The following TMTC2 variants were observed in gnomAD, a reference collection of about 807,000 sequenced individuals.
TMTC2 encodes the protein protein O-mannosyl-transferase TMTC2.
In TMTC2, 43 loss-of-function variants were observed where a neutral mutation model predicts 82.4. That is an observed-to-expected ratio of 0.52 (90% confidence interval 0.41 to 0.67). TMTC2 has a LOEUF of 0.67. TMTC2 is among the 30% of genes least tolerant of loss of function. The probability of loss-of-function intolerance (pLI) is 0.00; values close to 1 mark genes in which losing one functional copy is unlikely to be tolerated. For missense variants in TMTC2, 919 were observed against 1,012.4 expected (o/e 0.91, Z 1.25); for synonymous variants, 408 against 381.9 (o/e 1.07, Z -0.80).
chr12:82,845,252 A>AATATATATATATATAT (rs1555190263), intron 1 of TMTC2, among the ~76,000 whole-genome samples: 15 of 38,808 alleles, frequency 3.9e-4, no homozygotes, highest in African/African-American at 1.5e-3. Context: ...AAAAAAAAAA[A>AATATATATATATATAT]ATATATATAT....
At chr12:82,769,080 G>T (rs1336289757) in intron 1 of TMTC2, among the ~76,000 whole-genome samples, 2 of 150,858 alleles carry the variant, frequency 1.3e-5, no homozygotes, top group African/African-American at 4.9e-5. Flanking sequence ...CCTAGCTCAA[G>T]CCCCAGCTCA....
At chr12:83,010,898 G>A (rs1364670750) in intron 8 of TMTC2, among the ~76,000 whole-genome samples, 1 of 152,106 alleles carries the variant, frequency 6.6e-6, no homozygotes, top group Non-Finnish European at 1.5e-5. Context: ...GCAATGGTGC[G>A]ATCTCAGCTC....
chr12:82,974,979 G>A (rs2137318863), intron 7 of TMTC2, among the ~76,000 whole-genome samples: 2 of 152,220 alleles, frequency 1.3e-5, no homozygotes, highest in South Asian at 4.2e-4. Flanking sequence ...CCCTGCTGTG[G>A]GAGAGAAGAG....
chr12:82,982,103 A>T (rs2137330168), intron 7 of TMTC2, among the ~76,000 whole-genome samples: 1 of 151,724 alleles, frequency 6.6e-6, no homozygotes, highest in Admixed American at 6.6e-5. Context: ...CAGTGTAGGG[A>T]TAATGTAAAG....
At chr12:82,757,190 C>A (rs754972171) in intron 1 of TMTC2, among the ~76,000 whole-genome samples, 1 of 152,178 alleles carries the variant, frequency 6.6e-6, no homozygotes, top group Non-Finnish European at 1.5e-5. Context: ...CACTGGGAAT[C>A]TATTAGGAAG....
At chr12:83,123,486 A>G (rs1044502261) in intron 11 of TMTC2, among the ~76,000 whole-genome samples, 1 of 152,242 alleles carries the variant, frequency 6.6e-6, no homozygotes, top group Non-Finnish European at 1.5e-5. Flanking sequence ...TAAGACTACA[A>G]AGAACTATCA....
At chr12:83,010,663 G>T (rs1177612518) in intron 8 of TMTC2, among the ~76,000 whole-genome samples, 3 of 152,104 alleles carry the variant, frequency 2.0e-5, no homozygotes, top group Non-Finnish European at 4.4e-5. Flanking sequence ...ACAGGATCTA[G>T]ACCAAACCCC....
At chr12:82,996,252 G>T in intron 8 of TMTC2, among the ~76,000 whole-genome samples, 1 of 152,180 alleles carries the variant, frequency 6.6e-6, no homozygotes, top group East Asian at 1.9e-4. Flanking sequence ...TTCCTCAAAT[G>T]TGAAGTTTTG....
In TMTC2 at chr12:82,965,760, C is replaced by T. The variant is rs200151608; in HGVS notation, c.1869+16C>T. On this transcript the variant is annotated intron_variant, in intron 6 of 11. Transcript: ENST00000321196. Reference sequence around the variant, plus strand: ...ACACTATGAGGTCTGGCCAATGCCTCTCTGTCCTTTTCCCTCCCCCTTGTT... The same window carrying T: ...ACACTATGAGGTCTGGCCAATGCCTTTCTGTCCTTTTCCCTCCCCCTTGTT... 7 of 1,613,162 alleles carry T rather than the reference C, an allele frequency of 4.3e-6. No homozygotes were observed. In the African/African-American group the frequency reaches 8.0e-5, roughly 18 times the overall value.
intron 1 of TMTC2, among the ~76,000 whole-genome samples, chr12:82,688,939 A>T (rs896508425): frequency 1.3e-5 from 2 of 152,182 alleles, no homozygotes; most frequent in African/African-American, 4.8e-5. Flanking sequence ...AAATCACCTG[A>T]TAATAGGTGC....
chr12:82,793,398 C>T (rs56722406), intron 1 of TMTC2, among the ~76,000 whole-genome samples: 2,123 of 142,078 alleles, frequency 0.015, 51 homozygotes, highest in African/African-American at 0.052. Flanking sequence ...TAGAATATAT[C>T]TTCAGTTCTA....
chr12:83,044,335 A>C (rs1882009101), intron 9 of TMTC2, among the ~76,000 whole-genome samples: 1 of 152,180 alleles, frequency 6.6e-6, no homozygotes, highest in Admixed American at 6.5e-5. Flanking sequence ...AGGTAGAGGA[A>C]ATAGTGAGTG....
intron 1 of TMTC2, among the ~76,000 whole-genome samples, chr12:82,826,335 A>G (rs1869419646): frequency 6.6e-6 from 1 of 152,150 alleles, no homozygotes; most frequent in African/African-American, 2.4e-5. Context: ...TTCCTAGGTT[A>G]GAACCCACGA....
Position 82,846,362 on chromosome 12 carries a change from T to A in TMTC2, c.84-10648T>A, listed in dbSNP as rs188467463. On this transcript the variant is annotated intron_variant, in intron 1 of 11. Transcript: ENST00000321196. ...AACAGAACGAGACTCTGTCTTTTTT[T>A]TAAAAAAAACGAAAAACAGGAAAGA... 6.3e-3 allele frequency among the ~76,000 whole-genome samples: 952 copies of A among 151,914 alleles called. 14 individuals carry two copies. The highest frequency in any genetic ancestry group is 0.022 in the African/African-American group (910 of 41,338).
At chr12:82,934,907 G>A (rs1272655341) in intron 4 of TMTC2, among the ~76,000 whole-genome samples, 6 of 151,904 alleles carry the variant, frequency 3.9e-5, no homozygotes, top group East Asian at 1.9e-4. Flanking sequence ...TTTAATGATC[G>A]TCATTGTAAC....
chr12:83,015,746 G>C (rs1174848104), intron 8 of TMTC2, among the ~76,000 whole-genome samples: 1 of 152,152 alleles, frequency 6.6e-6, no homozygotes, highest in Non-Finnish European at 1.5e-5. Flanking sequence ...ATTTCATTTT[G>C]TAATAATGCC....
Position 82,956,296 on chromosome 12 carries a change from A to T in TMTC2, c.1599-8728A>T, listed in dbSNP as rs189062359. 3.4e-4 allele frequency among the ~76,000 whole-genome samples: 51 copies of T among 150,290 alleles called. 1 individual carries two copies. In the East Asian group the frequency reaches 6.2e-3, roughly 18 times the overall value. ...GCACAGAGTACCAAGTGGAATGAAAAATATATATATATATATGTCTGCTGT... is the reference window on the plus strand; with the variant it reads ...GCACAGAGTACCAAGTGGAATGAAATATATATATATATATATGTCTGCTGT... On this transcript the variant is annotated intron_variant, in intron 4 of 11. Transcript: ENST00000321196.
chr12:82,986,577 T>C (rs1415825058), intron 8 of TMTC2: 1 of 152,954 alleles, frequency 6.5e-6, no homozygotes, highest in Non-Finnish European at 1.5e-5. Flanking sequence ...AAATTGGCTA[T>C]ACTTAGAACT....
intron 2 of TMTC2, among the ~76,000 whole-genome samples, chr12:82,869,942 ATTCTAGCCTC>A (rs1872089004): frequency 6.6e-6 from 1 of 152,174 alleles, no homozygotes; most frequent in Non-Finnish European, 1.5e-5. Context: ...ACAACGGTAT[ATTCTAGCCTC>A]TCCCAACCAG....
Sources: allele counts gnomAD v4.1 joint callset (sites outside exome capture counted in the v4.1 genomes callset), GRCh38; gene constraint gnomAD v4.1.1; transcripts MANE v1.5; gene names NCBI Gene and HGNC (gene_info 2026-07-23, HGNC 2026-07-21).